SAMD5: variants seen among roughly 807,000 people sequenced by gnomAD.
SAMD5 encodes the protein sterile alpha motif domain-containing protein 5.
Under a neutral mutation model 11.3 loss-of-function variants are expected in SAMD5, and 13 were observed. That is an observed-to-expected ratio of 1.15 (90% CI 0.75 to 1.83). The LOEUF is 1.83. Ranked by LOEUF, SAMD5 falls within the 40% of genes most tolerant of loss-of-function variation. The pLI is 0.00. For missense variants in SAMD5, 255 were observed against 239.1 expected (o/e 1.07, Z -0.44); for synonymous variants, 129 against 111.3 (o/e 1.16, Z -1.00).
chr6:147,797,329 G>T, the SAMD5 span, among the ~76,000 whole-genome samples: 1 of 142,278 alleles, frequency 7.0e-6, no homozygotes, highest in African/African-American at 2.8e-5. Flanking sequence ...AGATAATCAT[G>T]TGGTTTTTGT....
chr6:147,565,108 TA>T lies in SAMD5; in HGVS notation c.*655del. 1.0e-6 allele frequency: 1 copy of T among 985,100 alleles called. No individual in the cohort carries two copies. Among genetic ancestry groups the T allele is most frequent in the Non-Finnish European group, 1.2e-6 (1 of 829,578 alleles). 61.0% of individuals were successfully genotyped at this position (985,100 alleles called of 1,614,324 possible). On this transcript the variant is annotated 3_prime_UTR_variant, in exon 2 of 2. Transcript: ENST00000367474. ...GACAATTTCTTCTAACTTCTCTTTTTAAATTTAATCTGGCTGAGGTTTAGTA... is the reference window on the plus strand; with the variant it reads ...GACAATTTCTTCTAACTTCTCTTTTTAATTTAATCTGGCTGAGGTTTAGTA...
At chr6:147,907,735 CT>C in the SAMD5 span, among the ~76,000 whole-genome samples, 3 of 152,102 alleles carry the variant, frequency 2.0e-5, no homozygotes, top group East Asian at 5.8e-4. Context: ...TGACTAAGGC[CT>C]TTGTTTCCAT....
chr6:147,542,762 C>T (rs982102315), intron 1 of SAMD5, among the ~76,000 whole-genome samples: 3 of 152,160 alleles, frequency 2.0e-5, no homozygotes, highest in South Asian at 2.1e-4. Flanking sequence ...AACTGCATAA[C>T]TCCTAAACCA....
Position 147,566,637 on chromosome 6 carries a change from C to A in SAMD5, c.*2181C>A. On this transcript the variant is annotated 3_prime_UTR_variant, in exon 2 of 2. Coordinates refer to ENST00000367474, the MANE Select transcript of SAMD5 (RefSeq NM_001030060.3). ...TTCAATTATTTTGCCAGGTTTAAAC[C>A]TTCTCTCTGTGTCTGTGGTTAGAAT... is the stretch of plus-strand genomic sequence containing the variant. 1 of 979,954 alleles carries A rather than the reference C, an allele frequency of 1.0e-6. No homozygotes were observed. Among genetic ancestry groups the A allele is most frequent in the Non-Finnish European group, 1.2e-6 (1 of 824,754 alleles). 60.7% of individuals were successfully genotyped at this position (979,954 alleles called of 1,614,324 possible).
the SAMD5 span, among the ~76,000 whole-genome samples, chr6:147,829,010 G>A: frequency 2.6e-5 from 4 of 152,178 alleles, no homozygotes; most frequent in Non-Finnish European, 5.9e-5. Context: ...TACGATCAAA[G>A]TCTAAAACCA....
the SAMD5 span, among the ~76,000 whole-genome samples, chr6:147,799,894 T>C: frequency 6.6e-6 from 1 of 152,220 alleles, no homozygotes; most frequent in Non-Finnish European, 1.5e-5. Flanking sequence ...TTCACGTAGT[T>C]CTGGAGCCTT....
At chr6:147,799,267 G>T in the SAMD5 span, among the ~76,000 whole-genome samples, 47 of 152,078 alleles carry the variant, frequency 3.1e-4, no homozygotes, top group African/African-American at 7.7e-4. Flanking sequence ...AGGCCTGGTG[G>T]TGACAAAATC....
At chr6:147,629,952 T>C (rs915860319) in intron 1 of SAMD5, among the ~76,000 whole-genome samples, 22 of 149,394 alleles carry the variant, frequency 1.5e-4, no homozygotes, top group Non-Finnish European at 3.0e-4. Flanking sequence ...TCTTTTCTTT[T>C]TTTTTTTTTT....
At chr6:147,827,420 G>A in the SAMD5 span, among the ~76,000 whole-genome samples, 1 of 150,864 alleles carries the variant, frequency 6.6e-6, no homozygotes. Flanking sequence ...CAAGGAATGG[G>A]CGAAAAAAAA....
chr6:147,701,047 C>G (rs1229472050), intron 1 of SAMD5, among the ~76,000 whole-genome samples: 1 of 152,128 alleles, frequency 6.6e-6, no homozygotes, highest in African/African-American at 2.4e-5. Flanking sequence ...TGAGCTAGTT[C>G]CTTCCTGTAA....
At chr6:147,920,764 G>C in the SAMD5 span, among the ~76,000 whole-genome samples, 1 of 152,160 alleles carries the variant, frequency 6.6e-6, no homozygotes, top group South Asian at 2.1e-4. Context: ...TGGCATTACT[G>C]TTCAGGCAAT....
At position 147,566,205 on chromosome 6, in the gene SAMD5, T is replaced by A; in HGVS notation, c.*1749T>A. ...CATATACAAATGTAAGGAAGTTAAA[T>A]TTTAAAAGCATGTATAGGTTGTCCT... On this transcript the variant is annotated 3_prime_UTR_variant, in exon 2 of 2. Coordinates refer to ENST00000367474, the MANE Select transcript of SAMD5 (RefSeq NM_001030060.3). 1.0e-6 allele frequency: 1 copy of A among 978,834 alleles called. No homozygotes were observed. The highest frequency in any genetic ancestry group is 1.2e-6 in the Non-Finnish European group (1 of 823,958). 60.6% of individuals were successfully genotyped at this position (978,834 alleles called of 1,614,324 possible).
At chr6:147,740,445 T>A (rs1791863776), downstream of SAMD5, among the ~76,000 whole-genome samples, 1 of 152,230 alleles carries the variant, frequency 6.6e-6, no homozygotes, top group Non-Finnish European at 1.5e-5. Flanking sequence ...TAAACCTAAA[T>A]TTCACCACAA....
intron 1 of SAMD5, among the ~76,000 whole-genome samples, chr6:147,671,576 C>A (rs928197199): frequency 6.6e-6 from 1 of 152,162 alleles, no homozygotes; most frequent in Non-Finnish European, 1.5e-5. Context: ...GTTGCTAACA[C>A]CAATAGCATA....
At chr6:147,537,194 G>A (rs1387263554) in intron 1 of SAMD5, among the ~76,000 whole-genome samples, 3 of 152,132 alleles carry the variant, frequency 2.0e-5, no homozygotes, top group Non-Finnish European at 1.5e-5. Flanking sequence ...CACAAGTATA[G>A]ACCAAAGAAC....
At chr6:147,822,709 C>G in the SAMD5 span, among the ~76,000 whole-genome samples, 1 of 152,224 alleles carries the variant, frequency 6.6e-6, no homozygotes, top group East Asian at 1.9e-4. Context: ...AATTATCCCT[C>G]TCATCCTTTG....
At chr6:147,615,008 CAT>C (rs1224080903) in intron 1 of SAMD5, among the ~76,000 whole-genome samples, 2 of 151,800 alleles carry the variant, frequency 1.3e-5, no homozygotes, top group Admixed American at 1.3e-4. Flanking sequence ...CAAACAATAT[CAT>C]ATGACAACTA....
the SAMD5 span, among the ~76,000 whole-genome samples, chr6:147,881,375 C>T: frequency 8.5e-5 from 13 of 152,268 alleles, no homozygotes; most frequent in Admixed American, 6.5e-4. Flanking sequence ...CCAAGCCCCG[C>T]GTCAAGGTTC....
the SAMD5 span, among the ~76,000 whole-genome samples, chr6:147,914,417 A>G: frequency 1.3e-5 from 2 of 152,166 alleles, no homozygotes; most frequent in Non-Finnish European, 1.5e-5. Context: ...AGCTGGGACA[A>G]TTTGAGTAGC....
Sources: gnomAD v4.1 joint callset for allele counts (sites outside exome capture counted in the v4.1 genomes callset) on GRCh38, gnomAD v4.1.1 for gene constraint, MANE v1.5 for transcripts, NCBI Gene and HGNC (gene_info 2026-07-23, HGNC 2026-07-21) for gene names.